Variants in DLGAP1 observed in about 807,000 individuals in gnomAD.
DLGAP1 encodes the protein disks large-associated protein 1.
Under a neutral mutation model 90.8 loss-of-function variants are expected in DLGAP1, and 11 were observed. The ratio of observed to expected loss-of-function variants is 0.12; its 90% CI spans 0.08 to 0.20. The LOEUF (loss-of-function observed/expected upper bound fraction) is 0.20, where lower values mean the gene tolerates loss of function less well. DLGAP1 is among the 10% of genes least tolerant of loss of function. The pLI, the probability that DLGAP1 is intolerant of heterozygous loss-of-function variation, is 1.00. For missense variants in DLGAP1, 1,050 were observed against 1,333.8 expected, an observed-to-expected ratio of 0.79 and a Z score of 3.31; for synonymous variants, 558 against 540.7, an observed-to-expected ratio of 1.03 and a Z score of -0.44.
chr18:3,575,333 A>C (rs1050552988), intron 8 of DLGAP1, among the ~76,000 whole-genome samples: 7 of 152,210 alleles, frequency 4.6e-5, no homozygotes, highest in Non-Finnish European at 1.0e-4. Flanking sequence ...TTTAATTCAA[A>C]GAATAGAGAA....
chr18:4,451,197 C>T (rs900335421), intron 1 of DLGAP1, among the ~76,000 whole-genome samples: 8 of 152,186 alleles, frequency 5.3e-5, no homozygotes, highest in Non-Finnish European at 1.0e-4. Flanking sequence ...TGGGTCAACA[C>T]GGCTCCTGTG....
intron 1 of DLGAP1, among the ~76,000 whole-genome samples, chr18:4,408,691 C>T (rs1174301390): frequency 6.6e-6 from 1 of 151,734 alleles, no homozygotes; most frequent in Non-Finnish European, 1.5e-5. Context: ...TATAAGTCTG[C>T]GAAAAATTCA....
intron 1 of DLGAP1, among the ~76,000 whole-genome samples, chr18:4,184,934 T>A (rs2144686252): frequency 6.6e-6 from 1 of 152,248 alleles, no homozygotes; most frequent in Admixed American, 6.5e-5. Context: ...AACTACTCCC[T>A]GACTCCTTTG....
At chr18:3,614,418 AG>A (rs1456035122) in intron 7 of DLGAP1, among the ~76,000 whole-genome samples, 1 of 152,218 alleles carries the variant, frequency 6.6e-6, no homozygotes, top group African/African-American at 2.4e-5. Flanking sequence ...ATGGGTCAAA[AG>A]AAATGATCTC....
rs2059130767 is a variant in DLGAP1, at chr18:3,646,751, C to T, written c.1592-64503G>A. On this transcript the variant is annotated intron_variant, in intron 7 of 12. Transcript: ENST00000315677. ...CATCCTGGCTAACACGGTGAAACCT[C>T]GTCTCTACTAAAAAATACAAAAAAT... is the stretch of plus-strand genomic sequence containing the variant. Among the ~76,000 whole-genome samples, 3 of 151,780 alleles carry T rather than the reference C, an allele frequency of 2.0e-5. No homozygotes were observed. In the South Asian group the frequency reaches 6.2e-4, roughly 32 times the overall value.
chr18:4,022,309 T>A (rs144398745), intron 2 of DLGAP1, among the ~76,000 whole-genome samples: 244 of 150,936 alleles, frequency 1.6e-3, no homozygotes, highest in African/African-American at 5.8e-3. Flanking sequence ...TTATCTTCTG[T>A]CTCTAATCTC....
intron 7 of DLGAP1, among the ~76,000 whole-genome samples, chr18:3,700,381 T>C (rs2061241093): frequency 1.3e-5 from 2 of 152,084 alleles, no homozygotes; most frequent in Non-Finnish European, 2.9e-5. Context: ...GGGAGGAAGT[T>C]CCTCAACCCC....
chr18:3,545,442 ACAGT>A (rs1264343039), intron 9 of DLGAP1, among the ~76,000 whole-genome samples: 1 of 152,246 alleles, frequency 6.6e-6, no homozygotes, highest in Non-Finnish European at 1.5e-5. Flanking sequence ...AAACATATCA[ACAGT>A]CAGTCACATT....
At chr18:4,036,151 T>C (rs1029087450) in intron 2 of DLGAP1, among the ~76,000 whole-genome samples, 3 of 152,168 alleles carry the variant, frequency 2.0e-5, no homozygotes, top group Non-Finnish European at 4.4e-5. Flanking sequence ...ATTAAGCTGA[T>C]TACACACTAC....
chr18:4,078,839 T>C (rs1251503503), intron 2 of DLGAP1, among the ~76,000 whole-genome samples: 1 of 152,168 alleles, frequency 6.6e-6, no homozygotes, highest in Non-Finnish European at 1.5e-5. Flanking sequence ...AAACATGGTT[T>C]GCCAATCTCA....
intron 5 of DLGAP1, among the ~76,000 whole-genome samples, chr18:3,807,555 G>C (rs146567444): frequency 6.6e-6 from 1 of 152,258 alleles, no homozygotes; most frequent in African/African-American, 2.4e-5. Context: ...CAGGCACTTA[G>C]AACCTTGTTA....
intron 2 of DLGAP1, among the ~76,000 whole-genome samples, chr18:4,105,245 C>T (rs886574207): frequency 1.3e-5 from 2 of 152,152 alleles, no homozygotes; most frequent in Non-Finnish European, 2.9e-5. Context: ...ATTGAGTCCA[C>T]GGGGCACTGA....
intron 7 of DLGAP1, among the ~76,000 whole-genome samples, chr18:3,683,544 C>A (rs934962215): frequency 6.6e-6 from 1 of 152,034 alleles, no homozygotes; most frequent in African/African-American, 2.4e-5. Flanking sequence ...TTTCAGAGAA[C>A]CAGCTAAAAA....
chr18:4,028,173 T>A (rs1221445558), intron 2 of DLGAP1, among the ~76,000 whole-genome samples: 1 of 152,190 alleles, frequency 6.6e-6, no homozygotes, highest in Non-Finnish European at 1.5e-5. Context: ...GCAAAGACAA[T>A]CTGAGGCCTT....
intron 1 of DLGAP1, among the ~76,000 whole-genome samples, chr18:4,305,903 A>ATGT (rs1568503023): frequency 1.4e-4 from 6 of 43,596 alleles, no homozygotes; most frequent in Non-Finnish European, 8.3e-4. Context: ...ATTTGGCATG[A>ATGT]TTATTATTTT....
chr18:3,946,646 C>G (rs2072883776), intron 3 of DLGAP1, among the ~76,000 whole-genome samples: 1 of 151,718 alleles, frequency 6.6e-6, no homozygotes, highest in South Asian at 2.1e-4. Context: ...CAAAGTATTC[C>G]CTCTGTGAAA....
At chr18:4,376,839 G>C (rs773320023) in intron 1 of DLGAP1, among the ~76,000 whole-genome samples, 1 of 152,082 alleles carries the variant, frequency 6.6e-6, no homozygotes, top group Non-Finnish European at 1.5e-5. Context: ...TCAGGTGTTC[G>C]AACTTGGCAT....
chr18:4,100,714 AC>A (rs78518516), intron 2 of DLGAP1, among the ~76,000 whole-genome samples: 44,558 of 152,040 alleles, frequency 0.29, 7,047 homozygotes, highest in African/African-American at 0.4. Flanking sequence ...AGCCACCTTC[AC>A]TAGTGACTTT....
chr18:4,405,464 A>G (rs2082642756), intron 1 of DLGAP1, among the ~76,000 whole-genome samples: 1 of 152,236 alleles, frequency 6.6e-6, no homozygotes. Context: ...GCACAGTGTC[A>G]GGAATTATTC....
Sources: allele counts gnomAD v4.1 joint callset (sites outside exome capture counted in the v4.1 genomes callset), GRCh38; gene constraint gnomAD v4.1.1; transcripts MANE v1.5; gene names NCBI Gene and HGNC (gene_info 2026-07-23, HGNC 2026-07-21).